The following MYOM3 variants were observed in gnomAD, a reference collection of about 807,000 sequenced individuals.
The protein encoded by MYOM3 is myomesin 3.
MYOM3 carries 155 observed loss-of-function variants against 191.7 expected under a neutral mutation model. The ratio of observed to expected loss-of-function variants is 0.81; its 90% CI spans 0.71 to 0.92. The LOEUF is 0.92. Ranked by LOEUF, MYOM3 falls within the 40% of genes least tolerant of loss-of-function variation. The pLI is 0.00. For missense variants in MYOM3, 1,889 were observed against 1,890.6 expected, an observed-to-expected ratio of 1.00 and a Z score of 0.02; for synonymous variants, 757 against 762.9, an observed-to-expected ratio of 0.99 and a Z score of 0.13.
At chr1:24,098,840 G>A (rs1331033586) in intron 6 of MYOM3, among the ~76,000 whole-genome samples, 3 of 152,204 alleles carry the variant, frequency 2.0e-5, no homozygotes, top group Non-Finnish European at 4.4e-5. Context: ...GCCTGGGTTG[G>A]TTGAGGTGGA....
intron 6 of MYOM3, among the ~76,000 whole-genome samples, chr1:24,099,155 C>T (rs1276097725): frequency 2.0e-5 from 3 of 152,156 alleles, no homozygotes; most frequent in Admixed American, 2.0e-4. Flanking sequence ...TGCCTCTTCC[C>T]TCAAAACCAT....
intron 7 of MYOM3, among the ~76,000 whole-genome samples, chr1:24,097,369 T>C (rs893575737): frequency 6.6e-6 from 1 of 152,192 alleles, no homozygotes; most frequent in African/African-American, 2.4e-5. Context: ...TGCAAAGTTA[T>C]CCCCTGAGAG....
At chr1:24,099,338 C>G (rs950776733) in intron 6 of MYOM3, among the ~76,000 whole-genome samples, 2 of 152,228 alleles carry the variant, frequency 1.3e-5, no homozygotes, top group African/African-American at 4.8e-5. Context: ...TTCTCTCCCC[C>G]ACAAGGAGCC....
In MYOM3 at chr1:24,108,455, C is replaced by T. The variant is rs757132940; in HGVS notation, c.161+21G>A. ...CCCTGGGAACAGGGCAGTGGCTGGG[C>T]GGGGACCCTGTGGCTCCCACCTGCT... On this transcript the variant is annotated intron_variant, in intron 2 of 36. Transcript: ENST00000374434. 1.3e-5 allele frequency: 20 copies of T among 1,531,320 alleles called. No homozygotes were observed. In the South Asian group the frequency reaches 1.6e-4, roughly 12 times the overall value. 94.9% of individuals were successfully genotyped at this position (1,531,320 alleles called of 1,614,324 possible). A position where few individuals can be genotyped will look rare whatever the true frequency, so the allele number is the denominator to read the frequency against.
chr1:24,097,252 G>C (rs1036421061), intron 7 of MYOM3, among the ~76,000 whole-genome samples: 44 of 152,196 alleles, frequency 2.9e-4, no homozygotes, highest in African/African-American at 1.1e-3. Flanking sequence ...CCCTCCCAGA[G>C]GCCCTGAGAT....
intron 25 of MYOM3, among the ~76,000 whole-genome samples, chr1:24,069,461 T>C (rs1375314478): frequency 1.3e-5 from 2 of 152,220 alleles, no homozygotes; most frequent in Non-Finnish European, 2.9e-5. Flanking sequence ...GCCAAGGTCA[T>C]ATAACCCACA....
intron 28 of MYOM3, chr1:24,066,292 T>C (rs1643433479): frequency 1.4e-6 from 1 of 709,070 alleles, no homozygotes; most frequent in South Asian, 1.5e-5. Context: ...GATTCATCAA[T>C]GTCCTGCCCC....
chr1:24,093,019 C>G lies in MYOM3; in HGVS notation c.1018G>C (p.Glu340Gln). 1 of 1,613,030 alleles carries G rather than the reference C, an allele frequency of 6.2e-7. No homozygotes were observed. Among genetic ancestry groups the G allele is most frequent in the Non-Finnish European group, 8.5e-7 (1 of 1,179,794 alleles). The stretch of plus-strand genomic sequence containing the variant: ...GGCACCCGGACCATGTAGAGCCCCT[C>G]GTCCTCCTTGTAGGTGCAGGACACC... ...LKVSCTYKEDEGLYMVRVPSP... is the reference protein window; with the variant it reads ...LKVSCTYKEDQGLYMVRVPSP... Residue 340 changes from glutamate to glutamine, a missense_variant, in exon 10 of 37, where the codon GAG becomes CAG. Physicochemically the swap from Glu to Gln is conservative, Grantham distance 29 (BLOSUM62 2). Coordinates refer to ENST00000374434, the MANE Select transcript of MYOM3 (RefSeq NM_152372.4).
Position 24,057,321 on chromosome 1 carries a change from G to T in MYOM3, c.*43C>A. On this transcript the variant is annotated 3_prime_UTR_variant, in exon 37 of 37. Coordinates refer to ENST00000374434, the MANE Select transcript of MYOM3 (RefSeq NM_152372.4). The stretch of plus-strand genomic sequence containing the variant: ...GACCCTGGTACAGGTTGTCCCTACT[G>T]GTCCATGTAGACTAGACTCAGACTG... 1.3e-6 allele frequency: 2 copies of T among 1,585,174 alleles called. No homozygotes were observed. Among genetic ancestry groups the T allele is most frequent in the Non-Finnish European group, 1.7e-6 (2 of 1,162,598 alleles).
intron 28 of MYOM3, 148 bp downstream of exon 28, chr1:24,066,873 T>C: frequency 1.4e-6 from 1 of 693,584 alleles, no homozygotes; most frequent in Non-Finnish European, 2.3e-6. Context: ...ACGTGTGGTC[T>C]CCTCGGGGGT....
At position 24,087,805 on chromosome 1, in the gene MYOM3, C is replaced by T. The variant is rs1168886978; in HGVS notation, c.1615-978G>A. 1.3e-5 allele frequency among the ~76,000 whole-genome samples: 2 copies of T among 152,184 alleles called. No homozygotes were observed. Among genetic ancestry groups the T allele is most frequent in the African/African-American group, 4.8e-5 (2 of 41,432 alleles). ...ACTCCATTTATCATTGGCACCCCCT[C>T]CCCTGACTGCCGTGTCCCTAGGGCC... On this transcript the variant is annotated intron_variant, in intron 14 of 36. Coordinates refer to ENST00000374434, the MANE Select transcript of MYOM3 (RefSeq NM_152372.4). This position sits in a 1 kb window ranked among gnomAD's most constrained non-coding sequence, Gnocchi z 4.5.
intron 19 of MYOM3, 139 bp from the exon 20 acceptor site, chr1:24,080,333 G>A: frequency 1.5e-6 from 1 of 665,280 alleles, no homozygotes; most frequent in Non-Finnish European, 2.4e-6. Context: ...CCTGTTCTGG[G>A]TGTCGCCAAG....
intron 29 of MYOM3, 83 bp downstream of exon 29, chr1:24,065,808 C>T: frequency 9.3e-7 from 1 of 1,075,474 alleles, no homozygotes; most frequent in Non-Finnish European, 1.5e-6. Flanking sequence ...CGGCCCTGCC[C>T]TGACTCCCAG....
At chr1:24,109,806 T>G (rs1570892275) in intron 1 of MYOM3, among the ~76,000 whole-genome samples, 1 of 152,356 alleles carries the variant, frequency 6.6e-6, no homozygotes, top group East Asian at 1.9e-4. Context: ...CTAGCCCTTC[T>G]GATCTCTATG....
intron 20 of MYOM3, among the ~76,000 whole-genome samples, chr1:24,078,123 A>AT (rs34824932): frequency 0.34 from 49,064 of 145,846 alleles, 9,434 homozygotes; most frequent in East Asian, 0.43. Context: ...ATTTTTAGAG[A>AT]TTTTTTTTTT....
chr1:24,080,713 G>A (rs925745712), intron 19 of MYOM3, among the ~76,000 whole-genome samples: 6 of 152,154 alleles, frequency 3.9e-5, no homozygotes, highest in African/African-American at 1.4e-4. Flanking sequence ...ACCTAGTAAC[G>A]GCCCAATAAA....
At position 24,094,921 on chromosome 1, in the gene MYOM3, G is replaced by A; in HGVS notation, c.860C>T (p.Pro287Leu). ...CGAAAACAAGCATGACAGGGAGAAG[G>A]GTTCCTTCTCACGAGCAAAGACTGG... is the stretch of plus-strand genomic sequence containing the variant. ...LKPVFAREKE[P>L]FSLSCLFSED... The change falls in exon 9 of 37, where the codon CCC (proline) becomes CTC (leucine). Residue 287 changes from proline (P) to leucine (L), a missense_variant. Coordinates refer to ENST00000374434, the MANE Select transcript of MYOM3 (RefSeq NM_152372.4). 6.2e-7 allele frequency: 1 copy of A among 1,614,056 alleles called. No homozygotes were observed. The highest frequency in any genetic ancestry group is 8.5e-7 in the Non-Finnish European group (1 of 1,179,938).
chr1:24,107,373 C>A, intron 3 of MYOM3, 141 bp from the exon 4 acceptor site: 1 of 711,130 alleles, frequency 1.4e-6, no homozygotes, highest in Non-Finnish European at 2.2e-6. Flanking sequence ...TCTTCCCTTG[C>A]CTCCAAAACA....
chr1:24,092,888 G>A, intron 10 of MYOM3, 59 bp downstream of exon 10: 1 of 1,410,894 alleles, frequency 7.1e-7, no homozygotes. Flanking sequence ...CAGCAAACAA[G>A]GGGCAGAGCC....
Sources: gnomAD v4.1 joint callset for allele counts (sites outside exome capture counted in the v4.1 genomes callset) on GRCh38, gnomAD v4.1.1 for gene constraint, Gnocchi (gnomAD v3.1) non-coding constraint, MANE v1.5 for transcripts, NCBI Gene and HGNC (gene_info 2026-07-23, HGNC 2026-07-21) for gene names.